SLC25A21: variants seen among roughly 807,000 people sequenced by gnomAD.
SLC25A21 encodes the protein solute carrier family 25 member 21.
Under a neutral mutation model 43.8 loss-of-function variants are expected in SLC25A21, and 47 were observed. The ratio of observed to expected loss-of-function variants is 1.07; its 90% CI spans 0.85 to 1.37. The LOEUF (loss-of-function observed/expected upper bound fraction) is 1.37, where lower values mean the gene tolerates loss of function less well. Ranked by LOEUF, SLC25A21 falls within the 40% of genes most tolerant of loss-of-function variation. The probability of loss-of-function intolerance (pLI) is 0.00; values close to 1 mark genes in which losing one functional copy is unlikely to be tolerated. For missense variants in SLC25A21, 352 were observed against 350.2 expected (o/e 1.00, Z -0.04); for synonymous variants, 131 against 121.3 (o/e 1.08, Z -0.52).
At chr14:36,993,769 T>A (rs1199481670) in intron 1 of SLC25A21, among the ~76,000 whole-genome samples, 1 of 152,164 alleles carries the variant, frequency 6.6e-6, no homozygotes, top group Admixed American at 6.5e-5. Flanking sequence ...AAAACTTGTA[T>A]ACTTCAGAGT....
intron 3 of SLC25A21, among the ~76,000 whole-genome samples, chr14:36,744,863 C>T (rs1885425948): frequency 6.6e-6 from 1 of 150,914 alleles, no homozygotes; most frequent in African/African-American, 2.4e-5. Context: ...AGGCATTTTT[C>T]TTTTTTTTTA....
chr14:37,106,477 G>A (rs1962915443), intron 1 of SLC25A21, among the ~76,000 whole-genome samples: 1 of 151,972 alleles, frequency 6.6e-6, no homozygotes, highest in African/African-American at 2.4e-5. Context: ...GGCTTACTAA[G>A]GTGGGGAAAA....
At chr14:37,098,776 GACAGACAGAC>G (rs2138861162) in intron 1 of SLC25A21, among the ~76,000 whole-genome samples, 1 of 125,954 alleles carries the variant, frequency 7.9e-6, no homozygotes, top group Non-Finnish European at 1.6e-5. Flanking sequence ...CAGACAGACA[GACAGACAGAC>G]AGATAGATAG....
intron 3 of SLC25A21, among the ~76,000 whole-genome samples, chr14:36,739,675 T>TCAAAAAAAAAAA (rs1885174135): frequency 9.1e-6 from 1 of 110,196 alleles, no homozygotes; most frequent in Non-Finnish European, 1.8e-5. Context: ...AGACTCTGTC[T>TCAAAAAAAAAAA]AAAAAAAAAG....
chr14:36,890,231 T>A (rs1423953562), intron 1 of SLC25A21, among the ~76,000 whole-genome samples: 4 of 152,162 alleles, frequency 2.6e-5, no homozygotes, highest in Non-Finnish European at 2.9e-5. Flanking sequence ...TGAGAATCCA[T>A]TTGAGGCCAA....
chr14:37,153,386 A>C (rs972508812), intron 1 of SLC25A21, among the ~76,000 whole-genome samples: 1 of 152,232 alleles, frequency 6.6e-6, no homozygotes, highest in Non-Finnish European at 1.5e-5. Context: ...AGGGATAAGA[A>C]GCAAGCAAGA....
chr14:36,930,593 C>T (rs1429837), intron 1 of SLC25A21, among the ~76,000 whole-genome samples: 72,839 of 151,950 alleles, frequency 0.48, 20,100 homozygotes, highest in Non-Finnish European at 0.62. Flanking sequence ...CTAACCCCAC[C>T]CCCAGCCCCT....
chr14:36,894,940 G>A (rs187039059), intron 1 of SLC25A21, among the ~76,000 whole-genome samples: 1 of 152,128 alleles, frequency 6.6e-6, no homozygotes, highest in Non-Finnish European at 1.5e-5. Flanking sequence ...GATTTGGTTT[G>A]CCAGTATTTT....
chr14:37,131,284 A>T (rs1391269554), intron 1 of SLC25A21, among the ~76,000 whole-genome samples: 2 of 152,240 alleles, frequency 1.3e-5, no homozygotes, highest in African/African-American at 4.8e-5. Flanking sequence ...CAATGTTAAC[A>T]CTAAGGCATA....
chr14:36,922,154 T>C (rs201114519), intron 1 of SLC25A21, among the ~76,000 whole-genome samples: 5 of 131,880 alleles, frequency 3.8e-5, no homozygotes, highest in African/African-American at 1.1e-4. Flanking sequence ...AAAAAAAAAA[T>C]TGTAGTATAG....
intron 1 of SLC25A21, among the ~76,000 whole-genome samples, chr14:37,152,664 G>A (rs1291573660): frequency 1.3e-5 from 2 of 152,052 alleles, no homozygotes; most frequent in African/African-American, 4.8e-5. Flanking sequence ...AAGAGTGGAT[G>A]GGTTTGTTTG....
chr14:37,140,785 G>A (rs1963556693), intron 1 of SLC25A21, among the ~76,000 whole-genome samples: 1 of 152,126 alleles, frequency 6.6e-6, no homozygotes, highest in African/African-American at 2.4e-5. Flanking sequence ...ACAGTTAAAG[G>A]ACTGGGGGCT....
chr14:36,964,851 T>A (rs1050679704), intron 1 of SLC25A21, among the ~76,000 whole-genome samples: 1 of 152,194 alleles, frequency 6.6e-6, no homozygotes, highest in Admixed American at 6.5e-5. Flanking sequence ...TCGCTTGTGA[T>A]GGGGAGGGTA....
intron 1 of SLC25A21, among the ~76,000 whole-genome samples, chr14:37,090,415 A>G (rs974410251): frequency 6.6e-6 from 1 of 152,216 alleles, no homozygotes; most frequent in African/African-American, 2.4e-5. Context: ...GTGGGTCTCA[A>G]CGCTGGTGAT....
intron 2 of SLC25A21, among the ~76,000 whole-genome samples, chr14:36,855,163 C>T (rs6571765): frequency 0.16 from 24,937 of 151,828 alleles, 3,026 homozygotes; most frequent in African/African-American, 0.34. Context: ...GTAGTTTGTT[C>T]TGAGAACTCC....
intron 1 of SLC25A21, among the ~76,000 whole-genome samples, chr14:37,129,338 C>T (rs149960430): frequency 2.0e-5 from 3 of 152,128 alleles, no homozygotes; most frequent in Non-Finnish European, 2.9e-5. Context: ...AGTTTGGAGA[C>T]GATATTGTCC....
intron 1 of SLC25A21, among the ~76,000 whole-genome samples, chr14:37,060,623 AC>A (rs1473983357): frequency 6.6e-6 from 1 of 151,826 alleles, no homozygotes; most frequent in Non-Finnish European, 1.5e-5. Context: ...ACACACACAC[AC>A]ACAATGCAAA....
At chr14:36,744,271 C>A (rs1017348609) in intron 3 of SLC25A21, among the ~76,000 whole-genome samples, 1 of 152,036 alleles carries the variant, frequency 6.6e-6, no homozygotes, top group African/African-American at 2.4e-5. Context: ...GGTATCAAAT[C>A]ATCTGACTTC....
At position 37,134,660 on chromosome 14, in the gene SLC25A21, A is replaced by AAAG. The variant is rs1555349225; in HGVS notation, c.70+37620_70+37621insCTT. On this transcript the variant is annotated intron_variant, in intron 1 of 9. Coordinates refer to ENST00000331299, the MANE Select transcript of SLC25A21 (RefSeq NM_030631.4). ...GAGACTCCATCTCTAAAAAAAAAAA[A>AAAG]AAAGAAAGAAAGAAAGAAAAGAAAA... Among the ~76,000 whole-genome samples the AAAG allele has an allele frequency of 4.4e-4, 66 of 151,506 alleles. 1 individual carries two copies. The highest frequency in any genetic ancestry group is 4.1e-3 in the East Asian group (21 of 5,156).
Sources: allele counts gnomAD v4.1 joint callset (sites outside exome capture counted in the v4.1 genomes callset), GRCh38; gene constraint gnomAD v4.1.1; transcripts MANE v1.5; gene names NCBI Gene and HGNC (gene_info 2026-07-23, HGNC 2026-07-21).